GCNT1: variants seen among roughly 807,000 people sequenced by gnomAD.
GCNT1 encodes the protein glucosaminyl (N-acetyl) transferase 1.
Under a neutral mutation model 26.2 loss-of-function variants are expected in GCNT1, and 16 were observed. The ratio of observed to expected loss-of-function variants is 0.61; its 90% CI spans 0.41 to 0.93. The LOEUF (loss-of-function observed/expected upper bound fraction) is 0.93. Among genes scored for constraint, GCNT1 ranks in the 40% least tolerant of loss-of-function variants. GCNT1 has a pLI of 0.00. For synonymous variants in GCNT1, 183 were observed against 190.8 expected, an observed-to-expected ratio of 0.96 and a Z score of 0.34; for missense variants, 477 against 526.7, an observed-to-expected ratio of 0.91 and a Z score of 0.92.
chr9:76,476,613 A>T (rs1824258047), intron 2 of GCNT1, among the ~76,000 whole-genome samples: 1 of 152,088 alleles, frequency 6.6e-6, no homozygotes, highest in African/African-American at 2.4e-5. Flanking sequence ...GCTCAAGCCC[A>T]TCAAAGTCAG....
upstream of GCNT1, among the ~76,000 whole-genome samples, chr9:76,458,340 G>A (rs1443491229): frequency 6.6e-6 from 1 of 151,758 alleles, no homozygotes; most frequent in African/African-American, 2.4e-5. Context: ...CCGCCACCAC[G>A]CCTGGCTAAT....
intron 1 of GCNT1, among the ~76,000 whole-genome samples, chr9:76,445,123 A>G (rs552340912): frequency 6.6e-6 from 1 of 152,314 alleles, no homozygotes; most frequent in South Asian, 2.1e-4. Context: ...AAGGAGAAAT[A>G]ACATTTTTGC....
chr9:76,467,044 C>CTTTTTTTT (rs368874355), intron 2 of GCNT1, among the ~76,000 whole-genome samples: 1 of 146,908 alleles, frequency 6.8e-6, no homozygotes, highest in Non-Finnish European at 1.5e-5. Flanking sequence ...CTCAGCTGAT[C>CTTTTTTTT]TTTTTTTTTT....
At chr9:76,411,424 G>A in the GCNT1 span, among the ~76,000 whole-genome samples, 1 of 151,628 alleles carries the variant, frequency 6.6e-6, no homozygotes, top group Non-Finnish European at 1.5e-5. Flanking sequence ...AACCTCCTGA[G>A]CTCAAGTGAT....
In GCNT1 at chr9:76,482,347, G is replaced by A. The variant is rs368114871; in HGVS notation, c.-289-18569G>A. ...AAAAAAAAAAGAATCAGGGCTGGGC[G>A]TGGTGGCTCCATGCCTGTGATCCCA... On this transcript the variant is annotated intron_variant, in intron 2 of 3. Coordinates refer to ENST00000376730, the MANE Select transcript of GCNT1 (RefSeq NM_001490.5). Among the ~76,000 whole-genome samples the A allele has an allele frequency of 5.3e-5, 8 of 152,146 alleles. No individual in the cohort carries two copies. The South Asian group carries it at 1.0e-3, about 20-fold the overall frequency.
the GCNT1 span, chr9:76,399,072 C>T: frequency 6.3e-7 from 1 of 1,596,070 alleles, no homozygotes; most frequent in Non-Finnish European, 8.5e-7. Flanking sequence ...CTTGTGGTTA[C>T]TGACCCCAGG....
rs1205141106 is a variant in GCNT1 at position 76,451,752 on chromosome 9, AC to A, written c.-290+9439del. On this transcript the variant is annotated intron_variant, in intron 1 of 2. Coordinates refer to the GCNT1 transcript ENST00000442371. ...AAAACAAAATTCTGTTGTTTAAAGT[AC>A]CAGTCTATGGTACTTTGTTGACAGA... 2.0e-5 allele frequency among the ~76,000 whole-genome samples: 3 copies of A among 152,072 alleles called. No individual in the cohort carries two copies. In the East Asian group the frequency reaches 5.8e-4, roughly 29 times the overall value.
upstream of GCNT1, among the ~76,000 whole-genome samples, chr9:76,416,503 C>A (rs897780764): frequency 5.9e-5 from 9 of 152,176 alleles, no homozygotes; most frequent in African/African-American, 2.2e-4. Context: ...GTAACACACC[C>A]CTAGATGCTG....
chr9:76,491,973 C>T (rs1204583284), intron 2 of GCNT1, among the ~76,000 whole-genome samples: 1 of 152,174 alleles, frequency 6.6e-6, no homozygotes, highest in Non-Finnish European at 1.5e-5. Flanking sequence ...TTTTGATAGC[C>T]TCTGACACTA....
intron 1 of GCNT1, among the ~76,000 whole-genome samples, chr9:76,432,446 G>A (rs993472859): frequency 2.6e-5 from 4 of 152,130 alleles, no homozygotes; most frequent in Non-Finnish European, 4.4e-5. Context: ...AGGCTCAAGC[G>A]GTCCCACCTC....
chr9:76,398,706 G>C, the GCNT1 span: 6 of 1,282,498 alleles, frequency 4.7e-6, no homozygotes, highest in Non-Finnish European at 6.6e-6. Flanking sequence ...ACAATGTCCG[G>C]AGCCCTTGAT....
chr9:76,475,072 C>T (rs1824223154), intron 2 of GCNT1, among the ~76,000 whole-genome samples: 1 of 152,186 alleles, frequency 6.6e-6, no homozygotes, highest in Non-Finnish European at 1.5e-5. Flanking sequence ...CCACCACGCC[C>T]GGCTTTCTCT....
chr9:76,416,418 T>C (rs1399234045), upstream of GCNT1, among the ~76,000 whole-genome samples: 1 of 152,232 alleles, frequency 6.6e-6, no homozygotes, highest in Non-Finnish European at 1.5e-5. Flanking sequence ...AGTAAAATGC[T>C]GTCGTGCTGA....
chr9:76,479,221 T>C (rs1229467348), intron 2 of GCNT1, among the ~76,000 whole-genome samples: 1 of 152,238 alleles, frequency 6.6e-6, no homozygotes, highest in Non-Finnish European at 1.5e-5. Flanking sequence ...TAGTCTATGG[T>C]GTATATGTGC....
chr9:76,481,220 C>CAT (rs1035100139), intron 2 of GCNT1, among the ~76,000 whole-genome samples: 53 of 151,378 alleles, frequency 3.5e-4, no homozygotes, highest in African/African-American at 8.2e-4. Context: ...TAAATAAATA[C>CAT]ATATATATAT....
upstream of GCNT1, among the ~76,000 whole-genome samples, chr9:76,415,089 C>T (rs142411364): frequency 6.6e-4 from 100 of 152,108 alleles, no homozygotes; most frequent in African/African-American, 2.3e-3. Flanking sequence ...GACAGAGTCT[C>T]ATTCTGTTGC....
chr9:76,424,632 C>G (rs1378295646), intron 1 of GCNT1, among the ~76,000 whole-genome samples: 1 of 152,214 alleles, frequency 6.6e-6, no homozygotes, highest in African/African-American at 2.4e-5. Flanking sequence ...TAAAGTCTTT[C>G]TGTTTCACAG....
chr9:76,466,803 C>G (rs1333255100), intron 2 of GCNT1, among the ~76,000 whole-genome samples: 1 of 152,124 alleles, frequency 6.6e-6, no homozygotes, highest in East Asian at 1.9e-4. Context: ...AGTGGCAAAA[C>G]CATTGGCTGA....
the GCNT1 span, among the ~76,000 whole-genome samples, chr9:76,400,936 G>A: frequency 6.6e-6 from 1 of 152,200 alleles, no homozygotes; most frequent in Non-Finnish European, 1.5e-5. Flanking sequence ...GTAGGTAAGG[G>A]GGACTCTGGC....
Sources: gnomAD v4.1 joint callset for allele counts (sites outside exome capture counted in the v4.1 genomes callset) on GRCh38, gnomAD v4.1.1 for gene constraint, MANE v1.5 for transcripts, NCBI Gene and HGNC (gene_info 2026-07-23, HGNC 2026-07-21) for gene names.